The following GLB1 variants were observed in gnomAD, a reference collection of about 807,000 sequenced individuals.
The protein encoded by GLB1 is beta-galactosidase.
In GLB1, 56 loss-of-function variants were observed where a neutral mutation model predicts 74.0. The ratio of observed to expected loss-of-function variants is 0.76; its 90% CI spans 0.61 to 0.94. GLB1 has a LOEUF of 0.94. Ranked by LOEUF, GLB1 falls within the 40% of genes least tolerant of loss-of-function variation. The probability of loss-of-function intolerance (pLI) is 0.00; values close to 1 mark genes in which losing one functional copy is unlikely to be tolerated. For synonymous variants in GLB1, 323 were observed against 323.6 expected (o/e 1.00, Z 0.02); for missense variants, 787 against 845.5 (o/e 0.93, Z 0.86).
downstream of GLB1, among the ~76,000 whole-genome samples, chr3:32,996,401 A>T (rs1327997072): frequency 1.3e-5 from 2 of 152,216 alleles, no homozygotes; most frequent in African/African-American, 4.8e-5. Context: ...TGTATCAAAA[A>T]ATTTGCATAT....
chr3:32,973,022 A>G, the GLB1 span, among the ~76,000 whole-genome samples: 2 of 152,296 alleles, frequency 1.3e-5, no homozygotes, highest in Middle Eastern at 3.4e-3. Context: ...GCATGTCTCA[A>G]TTGAATAACT....
intron 10 of GLB1, among the ~76,000 whole-genome samples, chr3:33,028,819 C>T (rs1261364786): frequency 1.3e-5 from 2 of 152,140 alleles, no homozygotes; most frequent in East Asian, 3.9e-4. Flanking sequence ...GCATGCACCA[C>T]CACGCCTGGC....
chr3:33,085,107 A>G (rs1181982341), intron 1 of GLB1, among the ~76,000 whole-genome samples: 4 of 151,956 alleles, frequency 2.6e-5, no homozygotes, highest in Admixed American at 6.6e-5. Context: ...TCCCATCCCT[A>G]TAAAAAATAA....
the GLB1 span, among the ~76,000 whole-genome samples, chr3:32,974,982 G>A: frequency 1.3e-5 from 2 of 152,314 alleles, no homozygotes; most frequent in South Asian, 4.1e-4. Flanking sequence ...TAACCATCAC[G>A]AGTTCCCTGC....
the GLB1 span, among the ~76,000 whole-genome samples, chr3:32,976,971 T>G: frequency 6.6e-6 from 1 of 152,210 alleles, no homozygotes; most frequent in Admixed American, 6.5e-5. Flanking sequence ...TTCTGTAAAG[T>G]TTTTACACAT....
At chr3:33,090,952 G>A in intron 1 of GLB1, 1 of 984,756 alleles carries the variant, frequency 1.0e-6, no homozygotes. Context: ...CTTAATGAAA[G>A]CTAATTTCAT....
chr3:33,006,309 C>T (rs547754209), intron 15 of GLB1, among the ~76,000 whole-genome samples: 2 of 152,274 alleles, frequency 1.3e-5, no homozygotes, highest in African/African-American at 4.8e-5. Flanking sequence ...GGAGCAGGAA[C>T]CCTATTGTGA....
At position 33,014,112 on chromosome 3, in the gene GLB1, T is replaced by G; in HGVS notation, c.1678A>C (p.Ser560Arg). 1 of 1,614,168 alleles carries G rather than the reference T, an allele frequency of 6.2e-7. No individual in the cohort carries two copies. Among genetic ancestry groups the G allele is most frequent in the Non-Finnish European group, 8.5e-7 (1 of 1,180,030 alleles). ...TCCTGGGGCAAGTCTGGGATCCCAC[T>G]GGGAATGGAGAAGTTCCCCATATAA... is the stretch of plus-strand genomic sequence containing the variant. ...AFYMGNFSIP[S>R]GIPDLPQDTF... Residue 560 changes from serine to arginine, a missense_variant, in exon 15 of 16, where the codon AGT (serine) becomes CGT (arginine). By Grantham distance (110) the Ser-to-Arg change is moderately radical (BLOSUM62 -1). Transcript: ENST00000307363.
chr3:33,066,670 A>G (rs1445853809), intron 4 of GLB1, among the ~76,000 whole-genome samples: 1 of 152,234 alleles, frequency 6.6e-6, no homozygotes, highest in African/African-American at 2.4e-5. Flanking sequence ...TGAATGAAGA[A>G]AAGAGTGACT....
intron 15 of GLB1, among the ~76,000 whole-genome samples, chr3:32,998,692 G>T (rs1036060321): frequency 1.3e-5 from 2 of 151,914 alleles, no homozygotes; most frequent in African/African-American, 4.8e-5. Flanking sequence ...GAGGAAAGAG[G>T]AATGGAAGAA....
In GLB1 at chr3:33,092,375, C is replaced by A. The variant is rs1700800508; in HGVS notation, c.75+4636G>T. On this transcript the variant is annotated intron_variant, in intron 1 of 15. Transcript: ENST00000307363. ...TCCCAAATTACCTGGCAACACTACC[C>A]CTTCCCCAGAAAGGCTCTGGATCAA... The A allele has an allele frequency of 3.0e-6, 3 of 988,964 alleles. No individual in the cohort carries two copies. The African/African-American group carries it at 5.2e-5, about 17-fold the overall frequency. The allele number at this position is 988,964 out of a possible 1,614,324, so 61.3% of individuals were successfully genotyped here.
Position 33,018,285 on chromosome 3 carries a change from C to CA in GLB1, c.1347+162dup, listed in dbSNP as rs57833238. Among the ~76,000 whole-genome samples, 55 of 41,992 alleles carry CA rather than the reference C, an allele frequency of 1.3e-3. 13 individuals are homozygous for CA. Among genetic ancestry groups the CA allele is most frequent in the African/African-American group, 6.2e-3 (51 of 8,244 alleles). 27.5% of individuals were successfully genotyped at this position (41,992 alleles called of 152,430 possible). A position where few individuals can be genotyped will look rare whatever the true frequency, so the allele number is the denominator to read the frequency against. ...TGGGCAACAGAGCAAAACCCTGTCT[C>CA]AAAAAAAAAAAAAAAAAAAAAAAAA... is the stretch of plus-strand genomic sequence containing the variant. On this transcript the variant is annotated intron_variant, in intron 13 of 15. Coordinates refer to ENST00000307363, the MANE Select transcript of GLB1 (RefSeq NM_000404.4).
intron 1 of GLB1, among the ~76,000 whole-genome samples, chr3:33,081,601 C>T (rs979276883): frequency 3.3e-5 from 5 of 152,142 alleles, no homozygotes; most frequent in Non-Finnish European, 7.4e-5. Context: ...ACTTGGGAAG[C>T]CCCCCCAGTG....
At chr3:32,971,915 T>C in the GLB1 span, among the ~76,000 whole-genome samples, 1 of 152,178 alleles carries the variant, frequency 6.6e-6, no homozygotes, top group African/African-American at 2.4e-5. Flanking sequence ...GGAGCATGTG[T>C]GTTAAAAACA....
intron 15 of GLB1, among the ~76,000 whole-genome samples, chr3:33,005,309 C>G (rs1389221096): frequency 6.6e-6 from 1 of 152,152 alleles, no homozygotes; most frequent in East Asian, 1.9e-4. Flanking sequence ...TCTTACTATA[C>G]TATTCCCTTG....
chr3:33,094,418 T>C, intron 1 of GLB1: 1 of 1,209,172 alleles, frequency 8.3e-7, no homozygotes, highest in Non-Finnish European at 1.1e-6. Context: ...GCTACTCAAA[T>C]ACCAGTCAGT....
At chr3:33,092,869 CG>C (rs749283390) in intron 1 of GLB1, 7 of 1,611,396 alleles carry the variant, frequency 4.3e-6, no homozygotes, top group Non-Finnish European at 5.1e-6. Flanking sequence ...TCTGTGATCT[CG>C]GCCCTGCTAC....
At chr3:33,086,470 T>A (rs1700507456) in intron 1 of GLB1, among the ~76,000 whole-genome samples, 1 of 152,188 alleles carries the variant, frequency 6.6e-6, no homozygotes, top group Admixed American at 6.5e-5. Context: ...ATAATGACAT[T>A]AGGCAACAAT....
In GLB1 at chr3:33,021,571, T is replaced by G. The variant is rs779369366; in HGVS notation, c.1228A>C (p.Lys410Gln). ...SLYPLTFIQV[K>Q]QHYGFVLYRT... is the part of the protein sequence containing the mutation. ...CATTACCTTTGAAGGCCTACCTGTT[T>G]CACCTGGATAAATGTCAAGGGATAA... The change falls in exon 12 of 16, where the codon AAA becomes CAA. Residue 410 changes from lysine (K) to glutamine (Q), a missense_variant. By Grantham distance (53) the Lys-to-Gln change is moderately conservative. Coordinates refer to ENST00000307363, the MANE Select transcript of GLB1 (RefSeq NM_000404.4). 34 of 1,613,712 alleles carry G rather than the reference T, an allele frequency of 2.1e-5. No homozygotes were observed. In the East Asian group the frequency reaches 7.1e-4, roughly 34 times the overall value.
Sources: gnomAD v4.1 joint callset for allele counts (sites outside exome capture counted in the v4.1 genomes callset) on GRCh38, gnomAD v4.1.1 for gene constraint, MANE v1.5 for transcripts, NCBI Gene and HGNC (gene_info 2026-07-23, HGNC 2026-07-21) for gene names.